The following LDAH variants were observed in gnomAD, a reference collection of about 807,000 sequenced individuals.
LDAH encodes lipid droplet-associated hydrolase.
In LDAH, 26 loss-of-function variants were observed where a neutral mutation model predicts 29.6. The observed-to-expected ratio is 0.88, with a 90% CI of 0.64 to 1.22. LDAH has a LOEUF of 1.22. Ranked by LOEUF, LDAH falls within the 50% of genes most tolerant of loss-of-function variation. The probability of loss-of-function intolerance (pLI) is 0.00; values close to 1 mark genes in which losing one functional copy is unlikely to be tolerated. For missense variants in LDAH, 344 were observed against 387.3 expected (o/e 0.89, Z 0.94); for synonymous variants, 117 against 133.0 (o/e 0.88, Z 0.83).
At chr2:20,759,032 A>G (rs937954870) in intron 4 of LDAH, among the ~76,000 whole-genome samples, 1 of 152,208 alleles carries the variant, frequency 6.6e-6, no homozygotes, top group Non-Finnish European at 1.5e-5. Flanking sequence ...TCTCCTTTGT[A>G]AGAGGTTATA....
At chr2:20,765,653 CG>C (rs1287567491) in intron 4 of LDAH, among the ~76,000 whole-genome samples, 2 of 152,054 alleles carry the variant, frequency 1.3e-5, no homozygotes, top group Non-Finnish European at 2.9e-5. Flanking sequence ...CATTCAGTGG[CG>C]GATGGGCTGG....
At chr2:20,821,762 T>C (rs1457682815) in intron 1 of LDAH, among the ~76,000 whole-genome samples, 3 of 152,198 alleles carry the variant, frequency 2.0e-5, no homozygotes, top group African/African-American at 7.2e-5. Context: ...ACTTAAAGTA[T>C]AATTTTAAAA....
chr2:20,767,925 C>T (rs1023735782), intron 4 of LDAH, among the ~76,000 whole-genome samples: 1 of 152,162 alleles, frequency 6.6e-6, no homozygotes, highest in African/African-American at 2.4e-5. Context: ...AAGCCACCTA[C>T]AGGGCCTCCT....
chr2:20,818,892 C>T (rs1432055814), intron 1 of LDAH, among the ~76,000 whole-genome samples: 2 of 152,098 alleles, frequency 1.3e-5, no homozygotes, highest in African/African-American at 2.4e-5. Context: ...TTTGCTCCTG[C>T]TTGATGTGGT....
intron 5 of LDAH, among the ~76,000 whole-genome samples, chr2:20,709,850 C>T (rs1664581517): frequency 6.6e-6 from 1 of 152,028 alleles, no homozygotes; most frequent in African/African-American, 2.4e-5. Flanking sequence ...CATGCTAAAC[C>T]ATGAAAAAAC....
intron 5 of LDAH, among the ~76,000 whole-genome samples, chr2:20,739,126 G>A (rs1047831553): frequency 6.6e-6 from 1 of 152,198 alleles, no homozygotes; most frequent in Non-Finnish European, 1.5e-5. Flanking sequence ...GGGGACAATA[G>A]CAATACTAAA....
rs143315408 is a variant in LDAH, at chr2:20,706,780, C to T, written c.704-5128G>A. Among the ~76,000 whole-genome samples the T allele has an allele frequency of 6.9e-4, 104 of 151,648 alleles. 2 individuals carry two copies. The East Asian group carries it at 0.019, about 28-fold the overall frequency. ...TGGATATTGGGCAACAAAAAGACAG[C>T]AATCCCTGAGAAAAGAGAAACGAAT... On this transcript the variant is annotated intron_variant, in intron 5 of 6. Coordinates refer to ENST00000237822, the MANE Select transcript of LDAH (RefSeq NM_021925.4).
chr2:20,726,487 T>C (rs1666023795), intron 5 of LDAH, among the ~76,000 whole-genome samples: 2 of 152,232 alleles, frequency 1.3e-5, no homozygotes, highest in African/African-American at 2.4e-5. Context: ...AGAAAGGCTA[T>C]ACCAGCAGGG....
chr2:20,738,315 A>G (rs1184248242), intron 5 of LDAH, among the ~76,000 whole-genome samples: 3 of 146,684 alleles, frequency 2.0e-5, no homozygotes, highest in East Asian at 1.9e-4. Flanking sequence ...AAATACAGTA[A>G]TTAAGAAAAT....
At chr2:20,695,448 CTCTT>C (rs759991922) in intron 6 of LDAH, among the ~76,000 whole-genome samples, 2,041 of 150,182 alleles carry the variant, frequency 0.014, 27 homozygotes, top group African/African-American at 0.036. Flanking sequence ...ATTCCAGACA[CTCTT>C]TCTTTTTTTT....
At position 20,684,926 on chromosome 2, in the gene LDAH, A is replaced by C. The variant is rs774251122; in HGVS notation, c.*1977T>G. On this transcript the variant is annotated 3_prime_UTR_variant, in exon 7 of 7. Coordinates refer to ENST00000237822, the MANE Select transcript of LDAH (RefSeq NM_021925.4). ...CTCTTGAAATCTGATTCTTCCACCT[A>C]TGAAAAAAGCAATGAGAAAGGTGGC... 3.2e-6 allele frequency: 5 copies of C among 1,549,952 alleles called. No individual in the cohort carries two copies. The highest frequency in any genetic ancestry group is 4.4e-6 in the Non-Finnish European group (5 of 1,146,788).
At chr2:20,703,604 T>C (rs1664106625) in intron 5 of LDAH, among the ~76,000 whole-genome samples, 2 of 152,238 alleles carry the variant, frequency 1.3e-5, no homozygotes, top group Admixed American at 1.3e-4. Flanking sequence ...ACTTCCATTC[T>C]CTGTCCTCCA....
At chr2:20,766,970 C>T in intron 4 of LDAH, among the ~76,000 whole-genome samples, 1 of 152,190 alleles carries the variant, frequency 6.6e-6, no homozygotes, top group East Asian at 1.9e-4. Context: ...ATCAGGGTGA[C>T]CACCAGGCCT....
At chr2:20,806,509 A>C (rs1672075337) in intron 1 of LDAH, among the ~76,000 whole-genome samples, 1 of 152,186 alleles carries the variant, frequency 6.6e-6, no homozygotes, top group Non-Finnish European at 1.5e-5. Flanking sequence ...AATTGGTAAC[A>C]GAAGTTTTAC....
chr2:20,773,893 AG>A (rs1476743663), intron 4 of LDAH, among the ~76,000 whole-genome samples: 5 of 152,120 alleles, frequency 3.3e-5, no homozygotes, highest in African/African-American at 1.2e-4. Flanking sequence ...TCAGATTACT[AG>A]GTTTACCAGC....
At chr2:20,690,785 G>A (rs1387567922) in intron 6 of LDAH, among the ~76,000 whole-genome samples, 5 of 152,050 alleles carry the variant, frequency 3.3e-5, no homozygotes, top group African/African-American at 7.2e-5. Flanking sequence ...TTTATTTATC[G>A]GTATGCAAAA....
intron 1 of LDAH, among the ~76,000 whole-genome samples, chr2:20,822,714 C>A (rs1673419055): frequency 6.6e-6 from 1 of 152,150 alleles, no homozygotes; most frequent in South Asian, 2.1e-4. Flanking sequence ...TCCCGGCCAG[C>A]TGCCCAACTT....
At chr2:20,727,505 G>A (rs1666102576) in intron 5 of LDAH, among the ~76,000 whole-genome samples, 1 of 152,114 alleles carries the variant, frequency 6.6e-6, no homozygotes, top group South Asian at 2.1e-4. Context: ...ATTCAACAAA[G>A]TAATGTAATC....
chr2:20,812,623 T>C (rs1156700031), intron 1 of LDAH, among the ~76,000 whole-genome samples: 1 of 152,158 alleles, frequency 6.6e-6, no homozygotes, highest in Non-Finnish European at 1.5e-5. Context: ...CTGCTATATT[T>C]TGGGAGCAAT....
Sources: allele counts gnomAD v4.1 joint callset (sites outside exome capture counted in the v4.1 genomes callset), GRCh38; gene constraint gnomAD v4.1.1; transcripts MANE v1.5; gene names NCBI Gene and HGNC (gene_info 2026-07-23, HGNC 2026-07-21).